PRICKLE1: variants seen among roughly 807,000 people sequenced by gnomAD.
PRICKLE1 encodes the protein prickle planar cell polarity protein 1, also known as prickle-like protein 1.
Under a neutral mutation model 70.2 loss-of-function variants are expected in PRICKLE1, and 14 were observed. That is an observed-to-expected ratio of 0.20 (90% CI 0.13 to 0.31). The LOEUF is 0.31. Ranked by LOEUF, PRICKLE1 falls within the 10% of genes least tolerant of loss-of-function variation. The pLI is 1.00. For synonymous variants in PRICKLE1, 357 were observed against 379.9 expected, an observed-to-expected ratio of 0.94 and a Z score of 0.70; for missense variants, 821 against 1,026.2, an observed-to-expected ratio of 0.80 and a Z score of 2.73.
chr12:42,569,688 CT>C (rs2120745115), intron 1 of PRICKLE1, among the ~76,000 whole-genome samples: 1 of 152,330 alleles, frequency 6.6e-6, no homozygotes, highest in Non-Finnish European at 1.5e-5. Context: ...ATTTATCTTC[CT>C]TTGCTGACCT....
At chr12:42,494,387 T>C (rs1204992058) in intron 1 of PRICKLE1, among the ~76,000 whole-genome samples, 1 of 152,250 alleles carries the variant, frequency 6.6e-6, no homozygotes, top group Non-Finnish European at 1.5e-5. Context: ...CCAAACTCTG[T>C]TGCTGCTTTA....
chr12:42,585,249 T>C (rs1370574977), intron 1 of PRICKLE1, among the ~76,000 whole-genome samples: 1 of 152,222 alleles, frequency 6.6e-6, no homozygotes, highest in Non-Finnish European at 1.5e-5. Context: ...AATGTTTACA[T>C]TGGCTTCTGC....
Position 42,514,522 on chromosome 12 carries a change from A to T in PRICKLE1, c.-48-41958T>A, listed in dbSNP as rs577213321. On this transcript the variant is annotated intron_variant, in intron 1 of 7. Coordinates refer to ENST00000345127, the MANE Select transcript of PRICKLE1 (RefSeq NM_153026.3). ...TGATTTCACTAATGCATGCAGACCA[A>T]CAGAAACACCTTGGGAAACTCAAAG... Among the ~76,000 whole-genome samples, 3 of 152,308 alleles carry T rather than the reference A, an allele frequency of 2.0e-5. No homozygotes were observed. The South Asian group carries it at 6.2e-4, about 32-fold the overall frequency.
chr12:42,469,628 A>G, intron 3 of PRICKLE1, 41 bp from the exon 4 acceptor site: 1 of 1,612,510 alleles, frequency 6.2e-7, no homozygotes, highest in Non-Finnish European at 8.5e-7. Context: ...CTGAGTGCAC[A>G]GTCTTTCTCA....
intron 1 of PRICKLE1, among the ~76,000 whole-genome samples, chr12:42,551,774 C>T (rs1183607640): frequency 6.6e-6 from 1 of 152,082 alleles, no homozygotes; most frequent in East Asian, 1.9e-4. Flanking sequence ...TCAATGGGTC[C>T]AATGCTAGAG....
intron 1 of PRICKLE1, among the ~76,000 whole-genome samples, chr12:42,569,613 G>A (rs1358975065): frequency 6.6e-6 from 1 of 152,206 alleles, no homozygotes; most frequent in East Asian, 1.9e-4. Context: ...TGGCGATAAG[G>A]AAATCGATTG....
intron 1 of PRICKLE1, among the ~76,000 whole-genome samples, chr12:42,500,852 A>G (rs1482513821): frequency 6.6e-6 from 1 of 152,194 alleles, no homozygotes; most frequent in Non-Finnish European, 1.5e-5. Context: ...AAGACAATCT[A>G]CTTTCTGCTG....
intron 1 of PRICKLE1, among the ~76,000 whole-genome samples, chr12:42,487,525 A>G (rs1057163180): frequency 3.3e-5 from 5 of 151,906 alleles, no homozygotes; most frequent in Non-Finnish European, 5.9e-5. Flanking sequence ...CCCCTCCCTG[A>G]CCCTCCTTCC....
At chr12:42,565,183 C>A (rs1940600967) in intron 1 of PRICKLE1, among the ~76,000 whole-genome samples, 1 of 152,182 alleles carries the variant, frequency 6.6e-6, no homozygotes, top group African/African-American at 2.4e-5. Context: ...CAGCACAGCA[C>A]ATCTGGGGTA....
At chr12:42,522,871 T>C (rs1939734706) in intron 1 of PRICKLE1, among the ~76,000 whole-genome samples, 1 of 152,238 alleles carries the variant, frequency 6.6e-6, no homozygotes, top group Admixed American at 6.5e-5. Context: ...AAGCAAGTTT[T>C]GTGCCATGCA....
chr12:42,476,804 C>T (rs1938554586), intron 1 of PRICKLE1, among the ~76,000 whole-genome samples: 1 of 151,970 alleles, frequency 6.6e-6, no homozygotes, highest in Non-Finnish European at 1.5e-5. Context: ...TGTGCCACCA[C>T]ACCAAAGTTT....
intron 1 of PRICKLE1, among the ~76,000 whole-genome samples, chr12:42,476,812 T>TTTTTTG (rs1396490843): frequency 1.3e-5 from 2 of 151,448 alleles, no homozygotes; most frequent in Admixed American, 1.3e-4. Flanking sequence ...CACACCAAAG[T>TTTTTTG]TTTTTGTTTT....
At chr12:42,520,449 T>G (rs1297348641) in intron 1 of PRICKLE1, among the ~76,000 whole-genome samples, 1 of 152,210 alleles carries the variant, frequency 6.6e-6, no homozygotes, top group African/African-American at 2.4e-5. Context: ...CATTCTCCCT[T>G]AATCTCATTT....
At chr12:42,494,929 C>T (rs1317463286) in intron 1 of PRICKLE1, among the ~76,000 whole-genome samples, 5 of 143,746 alleles carry the variant, frequency 3.5e-5, no homozygotes, top group African/African-American at 1.3e-4. Flanking sequence ...CAGGATTTTG[C>T]TCTCACCATG....
intron 1 of PRICKLE1, among the ~76,000 whole-genome samples, chr12:42,545,027 C>T (rs1940183156): frequency 6.6e-6 from 1 of 151,360 alleles, no homozygotes; most frequent in African/African-American, 2.4e-5. Flanking sequence ...CTCTGTCACC[C>T]AGGCTGGAGT....
intron 1 of PRICKLE1, among the ~76,000 whole-genome samples, chr12:42,479,827 T>C (rs1938726519): frequency 6.6e-6 from 1 of 152,020 alleles, no homozygotes; most frequent in Admixed American, 6.6e-5. Context: ...TGGTGGCGCA[T>C]GTCTGTAATC....
chr12:42,588,960 G>A (rs1167299908), intron 1 of PRICKLE1, among the ~76,000 whole-genome samples: 1 of 152,102 alleles, frequency 6.6e-6, no homozygotes, highest in Admixed American at 6.5e-5. Flanking sequence ...CACCATCGCG[G>A]GGCAGGGGGT....
At chr12:42,586,796 G>T (rs1375432332) in intron 1 of PRICKLE1, among the ~76,000 whole-genome samples, 1 of 152,134 alleles carries the variant, frequency 6.6e-6, no homozygotes, top group South Asian at 2.1e-4. Context: ...AGAGATTTTA[G>T]AGAAATTATG....
chr12:42,482,845 C>T (rs1938847100), intron 1 of PRICKLE1: 3 of 152,416 alleles, frequency 2.0e-5, no homozygotes. Context: ...GCAGGGGGTC[C>T]CCTGGGTCGT....
Sources: gnomAD v4.1 joint callset for allele counts (sites outside exome capture counted in the v4.1 genomes callset) on GRCh38, gnomAD v4.1.1 for gene constraint, MANE v1.5 for transcripts, NCBI Gene and HGNC (gene_info 2026-07-23, HGNC 2026-07-21) for gene names.